The following DEPDC5 variants were observed in gnomAD, a reference collection of about 807,000 sequenced individuals.
DEPDC5 encodes GATOR1 complex protein DEPDC5.
A neutral mutation model predicts 217.3 loss-of-function variants in DEPDC5; 73 were observed. That is an observed-to-expected ratio of 0.34 (90% CI 0.28 to 0.41). The LOEUF is 0.41. DEPDC5 is among the 10% of genes least tolerant of loss of function. The probability of loss-of-function intolerance (pLI) is 1.00; values close to 1 mark genes in which losing one functional copy is unlikely to be tolerated. For missense variants in DEPDC5, 1,675 were observed against 2,070.1 expected (o/e 0.81, Z 3.70); for synonymous variants, 733 against 756.7 (o/e 0.97, Z 0.51).
chr22:31,826,538 G>A, intron 24 of DEPDC5: 2 of 404,054 alleles, frequency 4.9e-6, no homozygotes, highest in South Asian at 3.7e-5. Context: ...ATTCTGACTG[G>A]CAGGCATGAA....
At chr22:31,856,151 A>ACGCGCG (rs201115238) in intron 31 of DEPDC5, among the ~76,000 whole-genome samples, 4 of 89,630 alleles carry the variant, frequency 4.5e-5, no homozygotes, top group Admixed American at 1.2e-4. Context: ...AGTTGGGCCA[A>ACGCGCG]CGCGCACACA....
At chr22:31,848,244 C>T (rs974588208) in intron 31 of DEPDC5, among the ~76,000 whole-genome samples, 4 of 152,156 alleles carry the variant, frequency 2.6e-5, no homozygotes, top group South Asian at 2.1e-4. Flanking sequence ...TGCAAGCCGT[C>T]GGTGGATCTG....
At chr22:31,795,754 G>A (rs2086173870) in intron 12 of DEPDC5, among the ~76,000 whole-genome samples, 1 of 149,062 alleles carries the variant, frequency 6.7e-6, no homozygotes, top group South Asian at 2.1e-4. Context: ...TTTTGAGTCG[G>A]AGTTTCGCTC....
rs2093760424 is a variant in DEPDC5, at chr22:31,906,413, C to T, written c.4728C>T (p.Phe1576=). The change falls in exon 43 of 43, where the codon TTC becomes TTT. Residue 1576 remains phenylalanine (F), a synonymous_variant. Transcript: ENST00000651528. This position sits in a 1 kb window ranked among gnomAD's most constrained non-coding sequence, Gnocchi z 5.1. ...TTGCTGATCGGCTGCTGAAGGACTT[C>T]ACGGACTTCTGCATCAACCGTGACA... ...EKFADRLLKD[F]TDFCINRDNR... 6.2e-7 allele frequency: 1 copy of T among 1,613,990 alleles called. No homozygotes were observed. Among genetic ancestry groups the T allele is most frequent in the African/African-American group, 1.3e-5 (1 of 74,956 alleles).
At chr22:31,812,866 G>A (rs916678151) in intron 20 of DEPDC5, among the ~76,000 whole-genome samples, 8 of 150,784 alleles carry the variant, frequency 5.3e-5, no homozygotes, top group African/African-American at 9.8e-5. Flanking sequence ...TCAGCCTCCC[G>A]AGTAGCTGGG....
chr22:31,874,676 C>CT (rs1386603779), intron 36 of DEPDC5, among the ~76,000 whole-genome samples: 1 of 152,172 alleles, frequency 6.6e-6, no homozygotes. Flanking sequence ...AGAAAAATCT[C>CT]TATGATTTTT....
intron 34 of DEPDC5, 149 bp from the exon 35 acceptor site, chr22:31,873,106 T>C: frequency 1.4e-6 from 2 of 1,464,140 alleles, no homozygotes; most frequent in Admixed American, 2.0e-5. Context: ...AACCCCCTGA[T>C]ATAGCTGTTT....
At chr22:31,902,408 T>TTTTATATATATATATATA (rs1491391820) in intron 41 of DEPDC5, among the ~76,000 whole-genome samples, 4 of 111,946 alleles carry the variant, frequency 3.6e-5, no homozygotes, top group Non-Finnish European at 5.4e-5. Flanking sequence ...CATCTCCTTA[T>TTTTATATATATATATATA]TATATATATA....
chr22:31,757,662 A>G (rs564760770), intron 2 of DEPDC5, among the ~76,000 whole-genome samples: 2 of 152,344 alleles, frequency 1.3e-5, no homozygotes, highest in African/African-American at 2.4e-5. Context: ...CAAAACAGTC[A>G]TTCTGTCTTT....
chr22:31,837,125 A>T lies in DEPDC5; in HGVS notation c.2324A>T (p.Tyr775Phe). Residue 775 changes from tyrosine to phenylalanine, a missense_variant, in exon 26 of 43, where the codon TAT becomes TTT. Physicochemically the swap from Tyr to Phe is conservative, Grantham distance 22. Around this residue, in one of 11 missense-constraint regions of DEPDC5, gnomAD observed 293 missense variants for 386.1 expected, o/e 0.76. Coordinates refer to ENST00000651528, the MANE Select transcript of DEPDC5 (RefSeq NM_001242896.3). ...GLQNDYTEGC[Y>F]DLLPEADIDR... is the part of the protein sequence containing the mutation. ...CAGAATGACTACACAGAGGGCTGTT[A>T]TGATCTCCTTCCAGAAGCAGACATC... 6.2e-7 allele frequency: 1 copy of T among 1,614,150 alleles called. No homozygotes were observed. The highest frequency in any genetic ancestry group is 8.5e-7 in the Non-Finnish European group (1 of 1,180,024).
intron 7 of DEPDC5, among the ~76,000 whole-genome samples, chr22:31,775,419 C>T (rs1002996624): frequency 2.0e-5 from 3 of 152,030 alleles, no homozygotes; most frequent in Non-Finnish European, 4.4e-5. Context: ...ACTTCATGAT[C>T]CACCCACCTC....
intron 20 of DEPDC5, among the ~76,000 whole-genome samples, chr22:31,812,638 A>T (rs562241942): frequency 1.6e-4 from 23 of 143,216 alleles, no homozygotes; most frequent in African/African-American, 5.8e-4. Context: ...GTTAGCCAGG[A>T]TGGTCTCGAT....
At chr22:31,792,204 C>A in intron 11 of DEPDC5, 102 bp downstream of exon 11, 1 of 827,808 alleles carries the variant, frequency 1.2e-6, no homozygotes, top group Non-Finnish European at 2.0e-6. Flanking sequence ...ACTTTTCCAC[C>A]CTTCCCATCT....
intron 28 of DEPDC5, among the ~76,000 whole-genome samples, chr22:31,843,424 C>A (rs752593315): frequency 4.6e-5 from 7 of 152,086 alleles, no homozygotes; most frequent in Non-Finnish European, 1.0e-4. Flanking sequence ...TAGCATGATT[C>A]ATGACAAGCC....
rs776103246 is a variant in DEPDC5 at position 31,836,969 on chromosome 22, C to A, written c.2171-3C>A. On this transcript the variant is annotated splice_region_variant and splice_polypyrimidine_tract_variant and intron_variant, in intron 25 of 42. Transcript: ENST00000651528. Reference sequence around the variant, plus strand: ...TACCTTTTCCCCCTGTTACGTGAGGCAGTTCTGACACTGTCTGCTCCCCCT... The same window carrying A: ...TACCTTTTCCCCCTGTTACGTGAGGAAGTTCTGACACTGTCTGCTCCCCCT... 1 of 1,604,348 alleles carries A rather than the reference C, an allele frequency of 6.2e-7. No individual in the cohort carries two copies. Among genetic ancestry groups the A allele is most frequent in the South Asian group, 1.1e-5 (1 of 90,904 alleles).
At chr22:31,870,100 G>A (rs1438125468) in intron 33 of DEPDC5, among the ~76,000 whole-genome samples, 2 of 152,294 alleles carry the variant, frequency 1.3e-5, no homozygotes, top group Middle Eastern at 3.4e-3. Context: ...AAGAAAGGAG[G>A]TTTTGGGTGG....
At chr22:31,793,489 T>C (rs897816427) in intron 12 of DEPDC5, among the ~76,000 whole-genome samples, 1 of 152,192 alleles carries the variant, frequency 6.6e-6, no homozygotes, top group African/African-American at 2.4e-5. Flanking sequence ...ATTATCAATA[T>C]TGTAATATTT....
At chr22:31,771,285 G>A (rs12157989) in intron 7 of DEPDC5, among the ~76,000 whole-genome samples, 20,383 of 152,118 alleles carry the variant, frequency 0.13, 1,479 homozygotes, top group African/African-American at 0.18. Flanking sequence ...AGAAAGGATA[G>A]AGGCTTCATT....
chr22:31,810,616 C>A lies in DEPDC5; in HGVS notation c.1420C>A (p.Arg474=). ...AQVFRLPGPS[R]AQCLTTCRSV... Reference sequence around the variant, plus strand: ...AGTGTTCAGGCTGCCCGGCCCATCCCGGGCCCAGTGCCTCACCACCTGCAG... The same window carrying A: ...AGTGTTCAGGCTGCCCGGCCCATCCAGGGCCCAGTGCCTCACCACCTGCAG... The change falls in exon 20 of 43, where the codon CGG becomes AGG. Residue 474 remains arginine (R), a synonymous_variant. Transcript: ENST00000651528. The A allele has an allele frequency of 6.2e-7, 1 of 1,614,170 alleles. No individual in the cohort carries two copies. The highest frequency in any genetic ancestry group is 8.5e-7 in the Non-Finnish European group (1 of 1,180,040).
Sources: allele counts gnomAD v4.1 joint callset (sites outside exome capture counted in the v4.1 genomes callset), GRCh38; gene constraint gnomAD v4.1.1; regional missense constraint gnomAD v4.1.1; non-coding constraint Gnocchi (gnomAD v3.1); transcripts MANE v1.5; gene names NCBI Gene and HGNC (gene_info 2026-07-23, HGNC 2026-07-21).